PARG: variants seen among roughly 807,000 people sequenced by gnomAD.
PARG encodes the protein poly(ADP-ribose) glycohydrolase.
A neutral mutation model predicts 113.0 loss-of-function variants in PARG; 35 were observed. The ratio of observed to expected loss-of-function variants is 0.31; its 90% confidence interval spans 0.24 to 0.41. PARG has a LOEUF of 0.41. Ranked by LOEUF, PARG falls within the 10% of genes least tolerant of loss-of-function variation. The pLI is 1.00. For synonymous variants in PARG, 330 were observed against 409.9 expected, an observed-to-expected ratio of 0.81 and a Z score of 2.36; for missense variants, 797 against 1,169.4, an observed-to-expected ratio of 0.68 and a Z score of 4.64.
intron 1 of PARG, among the ~76,000 whole-genome samples, chr10:49,940,802 A>G (rs1350908313): frequency 1.3e-5 from 2 of 152,176 alleles, no homozygotes; most frequent in African/African-American, 4.8e-5. Flanking sequence ...CTCAGGGATT[A>G]CAGGCAAAAC....
chr10:49,892,986 A>G (rs1847885066), intron 7 of PARG, among the ~76,000 whole-genome samples: 1 of 152,226 alleles, frequency 6.6e-6, no homozygotes, highest in Non-Finnish European at 1.5e-5. Context: ...TCTTGTTGAT[A>G]GATACCTGGG....
intron 7 of PARG, among the ~76,000 whole-genome samples, chr10:49,900,624 T>A (rs186654298): frequency 7.1e-4 from 108 of 152,352 alleles, no homozygotes; most frequent in Middle Eastern, 3.4e-3. Flanking sequence ...ATTCTTACTT[T>A]AGAAAAGACA....
intron 16 of PARG, among the ~76,000 whole-genome samples, chr10:49,831,427 G>T (rs778011882): frequency 6.6e-6 from 1 of 152,046 alleles, no homozygotes; most frequent in East Asian, 1.9e-4. Flanking sequence ...GTATAAAAAA[G>T]AATTTTTCTG....
intron 7 of PARG, among the ~76,000 whole-genome samples, chr10:49,902,413 A>G (rs117812575): frequency 4.5e-3 from 692 of 152,250 alleles, no homozygotes; most frequent in East Asian, 0.019. Flanking sequence ...GTCAGGTTCA[A>G]TCTATCATCT....
Position 49,920,643 on chromosome 10 carries a change from C to CGTATATAT in PARG, c.1662+1692_1662+1693insATATATAC, listed in dbSNP as rs1588993289. Among the ~76,000 whole-genome samples the CGTATATAT allele has an allele frequency of 9.5e-5, 14 of 146,788 alleles. No homozygotes were observed. The East Asian group carries it at 1.0e-3, about 11-fold the overall frequency. ...ATATATATACATGTATATATATACA[C>CGTATATAT]ATATACGTATATATATGGAGTTTAT... On this transcript the variant is annotated intron_variant, in intron 6 of 17. Coordinates refer to ENST00000616448, the MANE Select transcript of PARG (RefSeq NM_003631.5).
intron 7 of PARG, among the ~76,000 whole-genome samples, chr10:49,892,752 A>G (rs1847870558): frequency 6.6e-6 from 1 of 152,148 alleles, no homozygotes; most frequent in Non-Finnish European, 1.5e-5. Flanking sequence ...GTAAGTTGCA[A>G]GCATTCCACC....
rs184765387 is a variant in PARG, at chr10:49,915,986, A to C, written c.1668T>G (p.Ala556=). 604 of 1,535,162 alleles carry C rather than the reference A, an allele frequency of 3.9e-4. No homozygotes were observed. In the African/African-American group the frequency reaches 7.0e-3, roughly 18 times the overall value. ...KFTRPQNLKD[A]ILKYNVAYSK... ...AATATGCCACATTGTATTTCAGAAT[A>C]GCATCCTGTGGAAAATGCAGAAACA... Residue 556 remains alanine (A), a synonymous_variant, in exon 7 of 18, where the codon GCT becomes GCG. Coordinates refer to ENST00000616448, the MANE Select transcript of PARG (RefSeq NM_003631.5).
At chr10:49,878,438 T>C (rs1847050948) in intron 9 of PARG, among the ~76,000 whole-genome samples, 1 of 149,702 alleles carries the variant, frequency 6.7e-6, no homozygotes, top group Admixed American at 6.7e-5. Context: ...GCCAACATGG[T>C]GAAACCCCGT....
At chr10:49,870,594 G>A (rs1846746764) in intron 9 of PARG, among the ~76,000 whole-genome samples, 1 of 151,814 alleles carries the variant, frequency 6.6e-6, no homozygotes. Context: ...TCTGAGGAAA[G>A]AAAAGCAGGG....
At chr10:49,894,442 T>A (rs1554842259) in intron 7 of PARG, among the ~76,000 whole-genome samples, 1 of 152,178 alleles carries the variant, frequency 6.6e-6, no homozygotes, top group African/African-American at 2.4e-5. Context: ...CTATAAAAGC[T>A]GTAGGTCCTA....
intron 4 of PARG, among the ~76,000 whole-genome samples, chr10:49,927,587 T>C (rs1554850973): frequency 1.3e-5 from 2 of 151,992 alleles, no homozygotes. Flanking sequence ...AAAATAAGAA[T>C]TGGCTAAGGA....
At chr10:49,916,308 A>C (rs1207596358) in intron 6 of PARG, among the ~76,000 whole-genome samples, 1 of 152,168 alleles carries the variant, frequency 6.6e-6, no homozygotes, top group African/African-American at 2.4e-5. Context: ...GGTAAAAAAT[A>C]AACTTAGTTA....
At chr10:49,854,912 A>G (rs1332305367) in intron 13 of PARG, among the ~76,000 whole-genome samples, 1 of 151,638 alleles carries the variant, frequency 6.6e-6, no homozygotes, top group Non-Finnish European at 1.5e-5. Flanking sequence ...GTCACATTAC[A>G]TTATTTTAAA....
intron 8 of PARG, among the ~76,000 whole-genome samples, chr10:49,882,344 G>C (rs1486540096): frequency 4.3e-4 from 64 of 150,134 alleles, no homozygotes; most frequent in African/African-American, 1.5e-3. Flanking sequence ...ATTTGGCCTA[G>C]AGTACTTCAA....
At chr10:49,868,299 C>A (rs1317039557) in intron 10 of PARG, among the ~76,000 whole-genome samples, 6 of 152,276 alleles carry the variant, frequency 3.9e-5, no homozygotes, top group African/African-American at 1.4e-4. Context: ...ACGTAGTCAT[C>A]TTTTTAACAA....
chr10:49,846,397 T>C (rs1233148748), intron 13 of PARG, among the ~76,000 whole-genome samples: 12 of 151,012 alleles, frequency 7.9e-5, no homozygotes, highest in Non-Finnish European at 1.5e-4. Context: ...TATGTCTTGA[T>C]AGGGGTGTGG....
At chr10:49,835,269 T>C (rs1844859766) in intron 15 of PARG, among the ~76,000 whole-genome samples, 1 of 151,132 alleles carries the variant, frequency 6.6e-6, no homozygotes, top group Non-Finnish European at 1.5e-5. Context: ...AGAGCAAGAG[T>C]ACTTGAGAAG....
chr10:49,939,690 ACTC>A (rs1279972232), intron 1 of PARG, among the ~76,000 whole-genome samples: 1 of 151,960 alleles, frequency 6.6e-6, no homozygotes, highest in Non-Finnish European at 1.5e-5. Flanking sequence ...CTCATCAGAC[ACTC>A]CTCTGTCATC....
At chr10:49,820,063 T>C in intron 17 of PARG, 102 bp downstream of exon 17, 1 of 789,408 alleles carries the variant, frequency 1.3e-6, no homozygotes, top group South Asian at 1.8e-5. Flanking sequence ...CATGCTTTTG[T>C]TTCTTCGTAC....
Sources: gnomAD v4.1 joint callset for allele counts (sites outside exome capture counted in the v4.1 genomes callset) on GRCh38, gnomAD v4.1.1 for gene constraint, MANE v1.5 for transcripts, NCBI Gene and HGNC (gene_info 2026-07-23, HGNC 2026-07-21) for gene names.